Variants in RAPH1 observed in about 807,000 individuals in gnomAD.
RAPH1 encodes Ras association (RalGDS/AF-6) and pleckstrin homology domains 1.
RAPH1 carries 18 observed loss-of-function variants against 88.1 expected under a neutral mutation model. The ratio of observed to expected loss-of-function variants is 0.20; its 90% CI spans 0.14 to 0.30. The LOEUF (loss-of-function observed/expected upper bound fraction) is 0.30, where lower values mean the gene tolerates loss of function less well. Ranked by LOEUF, RAPH1 falls within the 10% of genes least tolerant of loss-of-function variation. RAPH1 has a pLI of 1.00. For synonymous variants in RAPH1, 587 were observed against 559.0 expected, an observed-to-expected ratio of 1.05 and a Z score of -0.71; for missense variants, 1,448 against 1,543.2, an observed-to-expected ratio of 0.94 and a Z score of 1.03.
At chr2:203,466,934 G>A (rs1294167420) in intron 4 of RAPH1, among the ~76,000 whole-genome samples, 3 of 152,198 alleles carry the variant, frequency 2.0e-5, no homozygotes, top group Non-Finnish European at 2.9e-5. Flanking sequence ...CTGTTGCTAA[G>A]TTGTTCCTTC....
chr2:203,522,895 CAAAAAAAA>C (rs59862473), intron 1 of RAPH1, among the ~76,000 whole-genome samples: 3 of 85,842 alleles, frequency 3.5e-5, no homozygotes, highest in South Asian at 3.9e-4. Flanking sequence ...GACTCTGTCT[CAAAAAAAA>C]AAAAAAAAAA....
chr2:203,486,974 G>C (rs1317753740), intron 4 of RAPH1, among the ~76,000 whole-genome samples: 1 of 152,018 alleles, frequency 6.6e-6, no homozygotes, highest in Non-Finnish European at 1.5e-5. Context: ...ATTGAGCACT[G>C]GTATCTTTGC....
At chr2:203,486,616 T>A (rs966851830) in intron 4 of RAPH1, among the ~76,000 whole-genome samples, 30 of 152,308 alleles carry the variant, frequency 2.0e-4, no homozygotes, top group Non-Finnish European at 2.9e-5. Context: ...ATATGATGTG[T>A]ATGTGAGTAG....
At chr2:203,487,137 G>A (rs1274312629) in intron 4 of RAPH1, among the ~76,000 whole-genome samples, 1 of 152,080 alleles carries the variant, frequency 6.6e-6, no homozygotes, top group African/African-American at 2.4e-5. Context: ...ACATGCATAC[G>A]GTATTAGAAG....
intron 13 of RAPH1, chr2:203,441,686 CTGTT>C: frequency 1.5e-6 from 2 of 1,306,058 alleles, no homozygotes; most frequent in Non-Finnish European, 1.9e-6. Flanking sequence ...GCTGCAAAAG[CTGTT>C]TGAATGGTGA....
chr2:203,509,038 A>G (rs1030366208), intron 1 of RAPH1, among the ~76,000 whole-genome samples: 9 of 151,336 alleles, frequency 5.9e-5, no homozygotes, highest in African/African-American at 2.2e-4. Context: ...ATCCTTTCAC[A>G]GATGCAAAAA....
chr2:203,512,577 GA>G (rs1394950342), intron 1 of RAPH1, among the ~76,000 whole-genome samples: 1 of 150,276 alleles, frequency 6.7e-6, no homozygotes, highest in Non-Finnish European at 1.5e-5. Context: ...TTTTTGGAAT[GA>G]GTTTGTTGGG....
chr2:203,466,882 TTCTC>T (rs1429381102), intron 4 of RAPH1, among the ~76,000 whole-genome samples: 1 of 152,182 alleles, frequency 6.6e-6, no homozygotes. Flanking sequence ...TGTTAGAACT[TTCTC>T]TATGGTGTAA....
At chr2:203,495,409 A>T in intron 1 of RAPH1, 56 bp from the exon 2 acceptor site, 1 of 1,580,548 alleles carries the variant, frequency 6.3e-7, no homozygotes, top group South Asian at 1.1e-5. Context: ...TAACTTGAAA[A>T]ATTATGCCAT....
At chr2:203,526,297 T>C (rs1422532697) in intron 1 of RAPH1, among the ~76,000 whole-genome samples, 1 of 152,212 alleles carries the variant, frequency 6.6e-6, no homozygotes, top group Non-Finnish European at 1.5e-5. Flanking sequence ...AAAGTGATAT[T>C]ATGATTTCTG....
intron 4 of RAPH1, among the ~76,000 whole-genome samples, chr2:203,468,873 C>G (rs2098530790): frequency 6.6e-6 from 1 of 152,100 alleles, no homozygotes. Context: ...GTAAATCCTA[C>G]AGATTAACAC....
intron 4 of RAPH1, among the ~76,000 whole-genome samples, chr2:203,478,648 C>T (rs917764242): frequency 1.3e-5 from 2 of 152,146 alleles, no homozygotes; most frequent in South Asian, 4.1e-4. Flanking sequence ...CGCCACCGCA[C>T]CTGGCTAGTT....
In RAPH1 at chr2:203,445,010, T is replaced by A; in HGVS notation, c.1634A>T (p.Glu545Val). The A allele has an allele frequency of 6.2e-7, 1 of 1,611,534 alleles. No individual in the cohort carries two copies. The highest frequency in any genetic ancestry group is 8.5e-7 in the Non-Finnish European group (1 of 1,179,358). ...CTGATTGGAGTGGTTTGACTGAGAC[T>A]CTGTTTAAAATAGTTTTTTAAACAT... is the stretch of plus-strand genomic sequence containing the variant. ...KSGSSSSSIP[E>V]SQSNHSNQSD... The change falls in exon 13 of 14, where the codon GAG (glutamate) becomes GTG (valine). Residue 545 changes from glutamate (E) to valine (V), a missense_variant and splice_region_variant. Glu to Val is a moderately radical substitution (Grantham distance 121). Coordinates refer to ENST00000319170, the MANE Select transcript of RAPH1 (RefSeq NM_213589.3).
At chr2:203,475,177 G>C (rs1320528200) in intron 4 of RAPH1, among the ~76,000 whole-genome samples, 2 of 152,226 alleles carry the variant, frequency 1.3e-5, no homozygotes, top group African/African-American at 2.4e-5. Context: ...GGAGGCCGAG[G>C]CGGGAGGATC....
At chr2:203,491,986 C>A (rs1559484047) in intron 2 of RAPH1, among the ~76,000 whole-genome samples, 1 of 152,122 alleles carries the variant, frequency 6.6e-6, no homozygotes, top group Non-Finnish European at 1.5e-5. Flanking sequence ...GTAATCCCAG[C>A]ACTTTGGCAG....
At chr2:203,447,852 T>C in intron 12 of RAPH1, 107 bp downstream of exon 12, 1 of 1,166,100 alleles carries the variant, frequency 8.6e-7, no homozygotes, top group Non-Finnish European at 1.2e-6. Context: ...GAATTAAGTA[T>C]GGCTCCGGTT....
chr2:203,513,004 G>A (rs1559498933), intron 1 of RAPH1, among the ~76,000 whole-genome samples: 2 of 152,110 alleles, frequency 1.3e-5, no homozygotes, highest in Non-Finnish European at 2.9e-5. Context: ...TCCTAAGTGT[G>A]AATGAGTAAA....
At chr2:203,461,761 G>A in intron 5 of RAPH1, 87 bp downstream of exon 5, 1 of 913,256 alleles carries the variant, frequency 1.1e-6, no homozygotes. Context: ...CCATATCTTA[G>A]AAGTACATTA....
rs2098494957 is a variant in RAPH1, at chr2:203,433,718, T to TTTC, written c.*5716_*5718dup. On this transcript the variant is annotated 3_prime_UTR_variant, in exon 14 of 14. Coordinates refer to ENST00000319170, the MANE Select transcript of RAPH1 (RefSeq NM_213589.3). ...AAACTAGTTTATTTACCACACTTAA[T>TTTC]TTCTTCTGTGTATGGCCTATGTTTT... 6.6e-6 allele frequency: 1 copy of TTTC among 152,284 alleles called. No individual in the cohort carries two copies. The highest frequency in any genetic ancestry group is 1.5e-5 in the Non-Finnish European group (1 of 68,036). 9.4% of individuals were successfully genotyped at this position (152,284 alleles called of 1,614,324 possible).
Sources: allele counts gnomAD v4.1 joint callset (sites outside exome capture counted in the v4.1 genomes callset), GRCh38; gene constraint gnomAD v4.1.1; transcripts MANE v1.5; gene names NCBI Gene and HGNC (gene_info 2026-07-23, HGNC 2026-07-21).